ATF3: variants seen among roughly 807,000 people sequenced by gnomAD.
ATF3 encodes the protein cyclic AMP-dependent transcription factor ATF-3.
ATF3 carries 10 observed loss-of-function variants against 18.4 expected under a neutral mutation model. That is an observed-to-expected ratio of 0.54 (90% CI 0.34 to 0.92). The LOEUF (loss-of-function observed/expected upper bound fraction) is 0.92, where lower values mean the gene tolerates loss of function less well. Ranked by LOEUF, ATF3 falls within the 40% of genes least tolerant of loss-of-function variation. The pLI is 0.02. For synonymous variants in ATF3, 78 were observed against 87.9 expected, an observed-to-expected ratio of 0.89 and a Z score of 0.63; for missense variants, 183 against 222.3, an observed-to-expected ratio of 0.82 and a Z score of 1.12.
intron 1 of ATF3, among the ~76,000 whole-genome samples, chr1:212,579,613 G>A (rs1023296467): frequency 1.3e-5 from 2 of 152,182 alleles, no homozygotes; most frequent in South Asian, 2.1e-4. Context: ...AAGAGAAGAC[G>A]CATTGGTGTA....
At chr1:212,586,825 GGTCAGTGC>G (rs1664787667) in intron 1 of ATF3, among the ~76,000 whole-genome samples, 1 of 152,160 alleles carries the variant, frequency 6.6e-6, no homozygotes, top group Non-Finnish European at 1.5e-5. Flanking sequence ...TTTTTGATCA[GGTCAGTGC>G]TGCAACCTTA....
intron 1 of ATF3, among the ~76,000 whole-genome samples, chr1:212,593,440 A>G (rs961861629): frequency 1.9e-4 from 29 of 152,040 alleles, no homozygotes; most frequent in African/African-American, 7.0e-4. Flanking sequence ...TAAAGTATAA[A>G]AAAAAAAAGT....
rs1655235786 is a variant in ATF3 at position 212,618,597 on chromosome 1, C to G, written c.348+363C>G. On this transcript the variant is annotated intron_variant, in intron 3 of 3. Transcript: ENST00000341491. The surrounding 1 kb of genome is among the most constrained non-coding windows in gnomAD (Gnocchi z 4.4). ...GGAAGCTGCCAGCTCTCATTTGGCT[C>G]ACTATGAAAAGCCTTTAATTAATCT... The G allele has an allele frequency of 2.5e-6, 1 of 395,642 alleles. No homozygotes were observed. Among genetic ancestry groups the G allele is most frequent in the Non-Finnish European group, 4.7e-6 (1 of 213,026 alleles). The allele number at this position is 395,642 out of a possible 1,614,324, so 24.5% of individuals were successfully genotyped here.
intron 1 of ATF3, among the ~76,000 whole-genome samples, chr1:212,614,392 G>C (rs1217546671): frequency 6.6e-6 from 1 of 152,108 alleles, no homozygotes; most frequent in Non-Finnish European, 1.5e-5. Flanking sequence ...AAACGCACCT[G>C]GCTACAGTTA....
In ATF3 at chr1:212,615,079, G is replaced by A. The variant is rs866173823; in HGVS notation, c.58G>A (p.Val20Ile). 14 of 1,613,994 alleles carry A rather than the reference G, an allele frequency of 8.7e-6. No homozygotes were observed. Among genetic ancestry groups the A allele is most frequent in the South Asian group, 3.3e-5 (3 of 91,080 alleles). Residue 20 changes from valine (V) to isoleucine (I), a missense_variant, in exon 2 of 4, where the codon GTC (valine) becomes ATC (isoleucine). Transcript: ENST00000341491. Reference protein sequence around the residue: ...SASEVSASAIVPCLSPPGSLV... With the variant: ...SASEVSASAIIPCLSPPGSLV... ...CTCGGAAGTGAGTGCTTCTGCCATC[G>A]TCCCCTGCCTGTCCCCTCCTGGGTC...
chr1:212,603,558 C>A (rs1654541600), intron 1 of ATF3, among the ~76,000 whole-genome samples: 1 of 152,150 alleles, frequency 6.6e-6, no homozygotes, highest in South Asian at 2.1e-4. Context: ...TATCCTTTCT[C>A]TTATAAAAAT....
At chr1:212,607,704 TG>T (rs898280169), upstream of ATF3, among the ~76,000 whole-genome samples, 2 of 152,206 alleles carry the variant, frequency 1.3e-5, no homozygotes, top group Non-Finnish European at 2.9e-5. Flanking sequence ...CCCTAAATAT[TG>T]CCTGAGAGCG....
At chr1:212,576,671 A>T (rs1481152548) in intron 1 of ATF3, among the ~76,000 whole-genome samples, 1 of 143,358 alleles carries the variant, frequency 7.0e-6, no homozygotes, top group African/African-American at 2.6e-5. Context: ...CCAGAGTTAA[A>T]GTTTTTAAAG....
chr1:212,588,383 A>G (rs1386169366), intron 1 of ATF3, among the ~76,000 whole-genome samples: 1 of 152,146 alleles, frequency 6.6e-6, no homozygotes, highest in Non-Finnish European at 1.5e-5. Flanking sequence ...GTGTCCACCA[A>G]TAAAGAATCA....
chr1:212,572,319 C>G (rs1664499903), intron 1 of ATF3, among the ~76,000 whole-genome samples: 1 of 151,896 alleles, frequency 6.6e-6, no homozygotes, highest in South Asian at 2.1e-4. Flanking sequence ...GGGTTCGAGA[C>G]CAGCCTGACC....
chr1:212,572,376 G>A (rs1397180917), intron 1 of ATF3, among the ~76,000 whole-genome samples: 1 of 151,586 alleles, frequency 6.6e-6, no homozygotes, highest in East Asian at 2.0e-4. Context: ...AATTAGCTGG[G>A]CATAGTGGCG....
chr1:212,570,694 C>G (rs978437362), intron 1 of ATF3, among the ~76,000 whole-genome samples: 2 of 152,166 alleles, frequency 1.3e-5, no homozygotes, highest in Non-Finnish European at 2.9e-5. Context: ...CTGTTTTTGA[C>G]CTTTATATGG....
At chr1:212,600,809 C>A (rs1482331913) in intron 1 of ATF3, among the ~76,000 whole-genome samples, 1 of 152,300 alleles carries the variant, frequency 6.6e-6, no homozygotes, top group East Asian at 1.9e-4. Context: ...TGTGTACCTG[C>A]AGCTTCTGAC....
At chr1:212,589,794 T>C (rs1013107517) in intron 1 of ATF3, among the ~76,000 whole-genome samples, 2 of 142,702 alleles carry the variant, frequency 1.4e-5, no homozygotes, top group African/African-American at 5.3e-5. Context: ...TCACTGACTC[T>C]TGGTCAACTT....
At chr1:212,588,429 A>G (rs1346547559) in intron 1 of ATF3, among the ~76,000 whole-genome samples, 1 of 152,158 alleles carries the variant, frequency 6.6e-6, no homozygotes, top group East Asian at 1.9e-4. Flanking sequence ...ACCGGGACAC[A>G]AAATTCATTT....
chr1:212,566,923 C>T (rs1386321700), intron 1 of ATF3, among the ~76,000 whole-genome samples: 1 of 152,144 alleles, frequency 6.6e-6, no homozygotes, highest in Non-Finnish European at 1.5e-5. Context: ...ACCAGAGTGA[C>T]CTGTCTCGAG....
Position 212,579,754 on chromosome 1 carries a change from T to C in ATF3, c.-5+14271T>C, listed in dbSNP as rs1008200031. Among the ~76,000 whole-genome samples, 3 of 152,292 alleles carry C rather than the reference T, an allele frequency of 2.0e-5. No individual in the cohort carries two copies. The South Asian group carries it at 6.2e-4, about 32-fold the overall frequency. The stretch of plus-strand genomic sequence containing the variant: ...GTAGAATAACAATGCTGTATCCAGA[T>C]GTGATGGCTGCTTCATTAGCCTGGG... On this transcript the variant is annotated intron_variant, in intron 1 of 3. Transcript: ENST00000366981.
chr1:212,576,149 T>G (rs573877905), intron 1 of ATF3, among the ~76,000 whole-genome samples: 1 of 152,280 alleles, frequency 6.6e-6, no homozygotes, highest in African/African-American at 2.4e-5. Flanking sequence ...AGCTAAGGCT[T>G]AGTTCTGGTT....
At chr1:212,609,165 C>T (rs1282127519) in intron 1 of ATF3, among the ~76,000 whole-genome samples, 7 of 152,254 alleles carry the variant, frequency 4.6e-5, no homozygotes, top group South Asian at 2.1e-4. Context: ...ACTTGGGGCG[C>T]GAAAGGTTCC....
Sources: allele counts gnomAD v4.1 joint callset (sites outside exome capture counted in the v4.1 genomes callset), GRCh38; gene constraint gnomAD v4.1.1; non-coding constraint Gnocchi (gnomAD v3.1); transcripts MANE v1.5; gene names NCBI Gene and HGNC (gene_info 2026-07-23, HGNC 2026-07-21).